Variants in USO1 observed in about 807,000 individuals in gnomAD.
The protein encoded by USO1 is USO1 vesicle transport factor.
Under a neutral mutation model 124.5 loss-of-function variants are expected in USO1, and 57 were observed. The observed-to-expected ratio is 0.46, with a 90% CI of 0.37 to 0.57. The LOEUF (loss-of-function observed/expected upper bound fraction) is 0.57, where lower values mean the gene tolerates loss of function less well. Among genes scored for constraint, USO1 ranks in the 20% least tolerant of loss-of-function variants. The pLI is 0.00. For missense variants in USO1, 900 were observed against 1,040.6 expected, an observed-to-expected ratio of 0.86 and a Z score of 1.86; for synonymous variants, 369 against 362.8, an observed-to-expected ratio of 1.02 and a Z score of -0.19.
chr4:75,776,924 A>T (rs546769817), intron 8 of USO1, among the ~76,000 whole-genome samples: 107 of 152,334 alleles, frequency 7.0e-4, no homozygotes, highest in African/African-American at 2.5e-3. Context: ...GTGTATATTT[A>T]TGTACTAATC....
intron 9 of USO1, among the ~76,000 whole-genome samples, chr4:75,784,950 C>A (rs780346661): frequency 6.6e-6 from 1 of 152,106 alleles, no homozygotes; most frequent in East Asian, 1.9e-4. Flanking sequence ...TTATCTCTTA[C>A]ACTTGTCGTG....
chr4:75,751,759 G>A (rs903855758), intron 1 of USO1, among the ~76,000 whole-genome samples: 1 of 151,572 alleles, frequency 6.6e-6, no homozygotes, highest in African/African-American at 2.4e-5. Context: ...TTGAACCCAG[G>A]AGGCGGAGGT....
At chr4:75,812,396 A>G (rs1461410903) in intron 23 of USO1, 21 bp downstream of exon 23, 1 of 1,544,402 alleles carries the variant, frequency 6.5e-7, no homozygotes, top group Non-Finnish European at 8.7e-7. Flanking sequence ...AATGTCTCCA[A>G]AAATGATTTG....
At position 75,800,784 on chromosome 4, in the gene USO1, G is replaced by T. The variant is rs766789517; in HGVS notation, c.1849G>T (p.Val617Leu). 6.2e-7 allele frequency: 1 copy of T among 1,612,870 alleles called. No individual in the cohort carries two copies. The highest frequency in any genetic ancestry group is 1.7e-5 in the Admixed American group (1 of 59,858). ...ATTTGATCATGAGTTTACGAAGCTG[G>T]TAAAAGAACTTGAAGGTAAGACTGA... ...MIFDHEFTKL[V>L]KELEGVITKA... Residue 617 changes from valine to leucine, a missense_variant, in exon 16 of 24, where the codon GTA becomes TTA. Physicochemically the swap from Val to Leu is conservative, Grantham distance 32 (BLOSUM62 1). Coordinates refer to ENST00000514213, the MANE Select transcript of USO1 (RefSeq NM_003715.4).
At chr4:75,805,432 C>T (rs1722967855) in intron 19 of USO1, 129 bp downstream of exon 19, 1 of 1,316,828 alleles carries the variant, frequency 7.6e-7, no homozygotes, top group African/African-American at 1.5e-5. Flanking sequence ...ATGGGCCAGG[C>T]ACAGTGGCTT....
intron 12 of USO1, 63 bp from the exon 13 acceptor site, chr4:75,793,627 A>G (rs1336338770): frequency 4.5e-6 from 7 of 1,539,670 alleles, no homozygotes; most frequent in Non-Finnish European, 5.3e-6. Flanking sequence ...AAAACAATTT[A>G]TTTAAAATTT....
chr4:75,770,322 G>C lies in USO1; in HGVS notation c.296-117G>C, dbSNP rs1268594542. 1.1e-5 allele frequency: 10 copies of C among 927,700 alleles called. No individual in the cohort carries two copies. In the South Asian group the frequency reaches 2.3e-4, roughly 21 times the overall value. The allele number at this position is 927,700 out of a possible 1,614,324, so 57.5% of individuals were successfully genotyped here. On this transcript the variant is annotated intron_variant, in intron 4 of 23. Transcript: ENST00000514213. Reference sequence around the variant, plus strand: ...TTGTGATATTGCTACCAGCCACACTGTTCCAGTGTTGAATTGTTTACCAGG... The same window carrying C: ...TTGTGATATTGCTACCAGCCACACTCTTCCAGTGTTGAATTGTTTACCAGG...
intron 13 of USO1, among the ~76,000 whole-genome samples, chr4:75,795,945 TTTTG>T (rs1722665309): frequency 6.6e-6 from 1 of 151,990 alleles, no homozygotes; most frequent in Admixed American, 6.6e-5. Context: ...TTTTGTTTTG[TTTTG>T]TGTGAGTATT....
Position 75,799,712 on chromosome 4 carries a change from A to T in USO1, c.1543A>T (p.Asn515Tyr). ...CPIAVTHFLH[N>Y]SANVPFLTGQ... The stretch of plus-strand genomic sequence containing the variant: ...CATTGCAGTAACGCATTTTCTTCAC[A>T]ATTCAGCCAATGTTCCATTTGTATC... The change falls in exon 14 of 24, where the codon AAT (asparagine) becomes TAT (tyrosine). Residue 515 changes from asparagine to tyrosine, a missense_variant. Around this residue, in one of 2 missense-constraint regions of USO1, gnomAD observed 538 missense variants for 681.6 expected, o/e 0.79. Transcript: ENST00000514213. 6.2e-7 allele frequency: 1 copy of T among 1,613,750 alleles called. No individual in the cohort carries two copies. Among genetic ancestry groups the T allele is most frequent in the Non-Finnish European group, 8.5e-7 (1 of 1,179,780 alleles).
At chr4:75,771,186 T>C in intron 7 of USO1, 49 bp downstream of exon 7, 1 of 1,541,186 alleles carries the variant, frequency 6.5e-7, no homozygotes, top group Non-Finnish European at 8.7e-7. Flanking sequence ...CTTTTTTTTC[T>C]CTTGCAAATG....
Position 75,752,623 on chromosome 4 carries a change from AT to A in USO1, c.218+26del. The A allele has an allele frequency of 5.0e-6, 2 of 398,266 alleles. No individual in the cohort carries two copies. Among genetic ancestry groups the A allele is most frequent in the Non-Finnish European group, 4.4e-6 (1 of 225,966 alleles). 24.7% of individuals were successfully genotyped at this position (398,266 alleles called of 1,614,324 possible). A position where few individuals can be genotyped will look rare whatever the true frequency, so the allele number is the denominator to read the frequency against. The stretch of plus-strand genomic sequence containing the variant: ...CAGATCGGTAAGTCTCTGTTTAATG[AT>A]TTTTTTCCCTAATTTTTCTTGAACT... On this transcript the variant is annotated intron_variant, in intron 3 of 23. Transcript: ENST00000514213.
intron 1 of USO1, among the ~76,000 whole-genome samples, chr4:75,747,602 C>CTTTTTT (rs59636038): frequency 1.9e-3 from 155 of 83,676 alleles, no homozygotes; most frequent in Middle Eastern, 8.5e-3. Flanking sequence ...TCACCTTTGA[C>CTTTTTT]TTTTTTTTTT....
intron 10 of USO1, among the ~76,000 whole-genome samples, chr4:75,788,592 G>A: frequency 6.9e-6 from 1 of 144,422 alleles, no homozygotes; most frequent in East Asian, 2.1e-4. Context: ...GCCCAGGCTG[G>A]AGTGCAATGG....
chr4:75,764,761 A>C (rs1443071574), intron 4 of USO1, among the ~76,000 whole-genome samples: 1 of 152,188 alleles, frequency 6.6e-6, no homozygotes, highest in African/African-American at 2.4e-5. Flanking sequence ...TGTTTGACCC[A>C]CATAGTATTT....
intron 12 of USO1, among the ~76,000 whole-genome samples, chr4:75,791,553 A>G (rs908705501): frequency 1.3e-5 from 2 of 152,066 alleles, no homozygotes; most frequent in Non-Finnish European, 2.9e-5. Context: ...AAGAAGATGA[A>G]TTTTACCATT....
At chr4:75,727,366 T>C (rs1720494744) in intron 1 of USO1, among the ~76,000 whole-genome samples, 1 of 152,210 alleles carries the variant, frequency 6.6e-6, no homozygotes, top group Non-Finnish European at 1.5e-5. Context: ...AAGGGTCCTT[T>C]CTTGTTCTTG....
At chr4:75,766,534 G>C (rs988184761) in intron 4 of USO1, among the ~76,000 whole-genome samples, 1 of 152,166 alleles carries the variant, frequency 6.6e-6, no homozygotes, top group Non-Finnish European at 1.5e-5. Context: ...ATCTTAAACT[G>C]CACGAGGAGG....
chr4:75,726,004 G>T (rs1319469360), intron 1 of USO1, among the ~76,000 whole-genome samples: 1 of 152,150 alleles, frequency 6.6e-6, no homozygotes, highest in Non-Finnish European at 1.5e-5. Context: ...GAAGTAGGCC[G>T]GACGCGGTGG....
At chr4:75,787,678 C>A (rs982267433) in intron 10 of USO1, among the ~76,000 whole-genome samples, 1 of 152,052 alleles carries the variant, frequency 6.6e-6, no homozygotes, top group Non-Finnish European at 1.5e-5. Context: ...CGTGCAATAT[C>A]GAAAGTACAA....
Sources: allele counts gnomAD v4.1 joint callset (sites outside exome capture counted in the v4.1 genomes callset), GRCh38; gene constraint gnomAD v4.1.1; regional missense constraint gnomAD v4.1.1; transcripts MANE v1.5; gene names NCBI Gene and HGNC (gene_info 2026-07-23, HGNC 2026-07-21).